The following PLGRKT variants were observed in gnomAD, a reference collection of about 807,000 sequenced individuals.
PLGRKT encodes plasminogen receptor with a C-terminal lysine.
PLGRKT carries 22 observed loss-of-function variants against 18.5 expected under a neutral mutation model. That is an observed-to-expected ratio of 1.19 (90% CI 0.85 to 1.70). The LOEUF is 1.70. PLGRKT is among the 40% of genes most tolerant of loss of function. The pLI, the probability that PLGRKT is intolerant of heterozygous loss-of-function variation, is 0.00. For missense variants in PLGRKT, 235 were observed against 174.4 expected, an observed-to-expected ratio of 1.35 and a Z score of -1.96; for synonymous variants, 72 against 52.8, an observed-to-expected ratio of 1.36 and a Z score of -1.58.
intron 3 of PLGRKT, among the ~76,000 whole-genome samples, chr9:5,414,456 C>T (rs1161899204): frequency 2.0e-5 from 3 of 152,182 alleles, no homozygotes; most frequent in Admixed American, 1.3e-4. Flanking sequence ...GCATGAGCTA[C>T]CGTGAATGTA....
chr9:5,365,098 G>A (rs943430816), intron 3 of PLGRKT, among the ~76,000 whole-genome samples: 11 of 142,170 alleles, frequency 7.7e-5, no homozygotes. Flanking sequence ...GAAACACCCA[G>A]ACATGATTTC....
At chr9:5,376,684 G>A (rs532067017) in intron 3 of PLGRKT, among the ~76,000 whole-genome samples, 1 of 152,136 alleles carries the variant, frequency 6.6e-6, no homozygotes, top group East Asian at 1.9e-4. Flanking sequence ...ATGTCCTGAT[G>A]TGGAAAATTC....
chr9:5,417,358 A>G (rs973159199), intron 3 of PLGRKT, among the ~76,000 whole-genome samples: 1 of 152,222 alleles, frequency 6.6e-6, no homozygotes, highest in Non-Finnish European at 1.5e-5. Flanking sequence ...CCCTTACTTC[A>G]TACCATACAT....
At chr9:5,388,445 T>C (rs1333668854) in intron 3 of PLGRKT, among the ~76,000 whole-genome samples, 1 of 152,058 alleles carries the variant, frequency 6.6e-6, no homozygotes, top group Non-Finnish European at 1.5e-5. Context: ...ATAGGATATA[T>C]GCAGATGATA....
chr9:5,426,132 G>A (rs1255660506), intron 3 of PLGRKT, among the ~76,000 whole-genome samples: 4 of 152,058 alleles, frequency 2.6e-5, no homozygotes, highest in Non-Finnish European at 5.9e-5. Flanking sequence ...TCAACCCTAG[G>A]GACTTCTGGG....
At chr9:5,436,371 T>C (rs1195661762) in intron 2 of PLGRKT, among the ~76,000 whole-genome samples, 198 bp downstream of exon 2, 3 of 152,210 alleles carry the variant, frequency 2.0e-5, no homozygotes, top group Non-Finnish European at 4.4e-5. Flanking sequence ...GACTAAATTT[T>C]TACACCTGCT....
chr9:5,378,661 A>C (rs1228005383), intron 3 of PLGRKT, among the ~76,000 whole-genome samples: 2 of 152,246 alleles, frequency 1.3e-5, no homozygotes, highest in African/African-American at 2.4e-5. Flanking sequence ...GATAAAAGGC[A>C]TATATAATTA....
chr9:5,361,921 C>A (rs999871368), intron 3 of PLGRKT, 33 bp from the exon 4 acceptor site: 3 of 1,597,768 alleles, frequency 1.9e-6, no homozygotes, highest in Non-Finnish European at 1.7e-6. Context: ...AGTAAAGTTA[C>A]TCATCTTTGG....
At chr9:5,384,121 G>C (rs1028666974) in intron 3 of PLGRKT, among the ~76,000 whole-genome samples, 2 of 152,202 alleles carry the variant, frequency 1.3e-5, no homozygotes, top group African/African-American at 4.8e-5. Flanking sequence ...TGGAGTTCTA[G>C]GTTTGAGAAC....
rs557850180 is a variant in PLGRKT, at chr9:5,435,127, G to A, written c.-7+1442C>T. On this transcript the variant is annotated intron_variant, in intron 2 of 5. Transcript: ENST00000223864. ...ACAGATGCTTGAAGACAGCATGCTC[G>A]TTAAGAGTCACCACCACTCCCTAAT... Among the ~76,000 whole-genome samples the A allele has an allele frequency of 3.9e-5, 6 of 152,070 alleles. No homozygotes were observed. The East Asian group carries it at 9.7e-4, about 24-fold the overall frequency.
intron 3 of PLGRKT, among the ~76,000 whole-genome samples, chr9:5,390,764 C>G (rs540707860): frequency 6.6e-6 from 1 of 151,900 alleles, no homozygotes; most frequent in African/African-American, 2.4e-5. Context: ...AAAGGCAAAC[C>G]CAGGTGTAGC....
intron 4 of PLGRKT, 93 bp downstream of exon 4, chr9:5,361,664 CA>C (rs1817267817): frequency 8.0e-7 from 1 of 1,252,752 alleles, no homozygotes; most frequent in African/African-American, 1.5e-5. Flanking sequence ...CTATTTGGAC[CA>C]AAGTCTTATT....
intron 3 of PLGRKT, among the ~76,000 whole-genome samples, chr9:5,363,189 C>T (rs1465547116): frequency 1.3e-5 from 2 of 151,730 alleles, no homozygotes; most frequent in African/African-American, 4.8e-5. Context: ...CTCACTGGAT[C>T]CCAGAGGATC....
At chr9:5,435,196 C>G (rs1388445220) in intron 2 of PLGRKT, among the ~76,000 whole-genome samples, 1 of 152,228 alleles carries the variant, frequency 6.6e-6, no homozygotes, top group East Asian at 1.9e-4. Flanking sequence ...GCCGCAGGGA[C>G]CTCTGCCTAG....
intron 3 of PLGRKT, among the ~76,000 whole-genome samples, chr9:5,400,629 A>C (rs1054846362): frequency 6.6e-6 from 1 of 151,940 alleles, no homozygotes; most frequent in Non-Finnish European, 1.5e-5. Context: ...GCACTGTGTA[A>C]AATAATTTGA....
intron 2 of PLGRKT, 91 bp from the exon 3 acceptor site, chr9:5,432,074 AGT>A: frequency 1.6e-6 from 1 of 638,390 alleles, no homozygotes; most frequent in African/African-American, 1.8e-5. Flanking sequence ...CTTATGACAA[AGT>A]AAAAAAAAAA....
intron 3 of PLGRKT, among the ~76,000 whole-genome samples, chr9:5,366,569 C>T (rs562213628): frequency 6.6e-6 from 1 of 152,026 alleles, no homozygotes; most frequent in Non-Finnish European, 1.5e-5. Context: ...AGACGCTCCA[C>T]AAACTAGGCA....
chr9:5,359,059 A>C lies in PLGRKT; in HGVS notation c.323-699T>G, dbSNP rs539699489. Among the ~76,000 whole-genome samples, 39 of 128,848 alleles carry C rather than the reference A, an allele frequency of 3.0e-4. 1 individual carries two copies. The East Asian group carries it at 6.8e-3, about 23-fold the overall frequency. 84.5% of individuals were successfully genotyped at this position (128,848 alleles called of 152,430 possible). A position where few individuals can be genotyped will look rare whatever the true frequency, so the allele number is the denominator to read the frequency against. On this transcript the variant is annotated intron_variant, in intron 5 of 5. Transcript: ENST00000223864. ...GTGAGTACTCCTCTTTTAACACACT[A>C]TTTTATTTTTTTTTTTTTTTTGAGA...
chr9:5,380,876 A>T (rs769219302), intron 3 of PLGRKT, among the ~76,000 whole-genome samples: 1 of 152,092 alleles, frequency 6.6e-6, no homozygotes, highest in Non-Finnish European at 1.5e-5. Flanking sequence ...GTATAGAGGG[A>T]GGGAGCTGGT....
Sources: gnomAD v4.1 joint callset for allele counts (sites outside exome capture counted in the v4.1 genomes callset) on GRCh38, gnomAD v4.1.1 for gene constraint, MANE v1.5 for transcripts, NCBI Gene and HGNC (gene_info 2026-07-23, HGNC 2026-07-21) for gene names.